The following CHST11 variants were observed in gnomAD, a reference collection of about 807,000 sequenced individuals.
The protein encoded by CHST11 is C4S-1.
CHST11 carries 9 observed loss-of-function variants against 30.4 expected under a neutral mutation model. That is an observed-to-expected ratio of 0.30 (90% CI 0.18 to 0.52). The LOEUF is 0.52. Ranked by LOEUF, CHST11 falls within the 20% of genes least tolerant of loss-of-function variation. CHST11 has a pLI of 0.97. For synonymous variants in CHST11, 152 were observed against 187.8 expected, an observed-to-expected ratio of 0.81 and a Z score of 1.56; for missense variants, 348 against 460.6, an observed-to-expected ratio of 0.76 and a Z score of 2.24.
At chr12:104,638,074 A>G (rs942742124) in intron 2 of CHST11, among the ~76,000 whole-genome samples, 5 of 152,224 alleles carry the variant, frequency 3.3e-5, no homozygotes, top group East Asian at 1.9e-4. Context: ...ATGGTTTACC[A>G]GTGGTATGTT....
intron 1 of CHST11, among the ~76,000 whole-genome samples, chr12:104,587,879 A>G (rs1650132): frequency 0.53 from 75,613 of 143,316 alleles, 20,453 homozygotes; most frequent in African/African-American, 0.62. Flanking sequence ...TCACTCTGTC[A>G]CCCGGGCTGG....
At chr12:104,715,676 T>C (rs1222545417) in intron 2 of CHST11, among the ~76,000 whole-genome samples, 2 of 152,182 alleles carry the variant, frequency 1.3e-5, no homozygotes, top group Non-Finnish European at 2.9e-5. Context: ...AGGATGCTGC[T>C]GCCCTAACTC....
chr12:104,748,172 G>T (rs1197199624), intron 2 of CHST11, among the ~76,000 whole-genome samples: 1 of 152,144 alleles, frequency 6.6e-6, no homozygotes, highest in Admixed American at 6.5e-5. Flanking sequence ...GCTGGGGGTG[G>T]ATCTAGGAGT....
intron 2 of CHST11, among the ~76,000 whole-genome samples, chr12:104,716,113 C>T (rs948496098): frequency 2.6e-5 from 4 of 152,108 alleles, no homozygotes; most frequent in Non-Finnish European, 5.9e-5. Flanking sequence ...TGTCTGCACA[C>T]GGGGTGCCAA....
chr12:104,673,653 C>T (rs764655165), intron 2 of CHST11, among the ~76,000 whole-genome samples: 3 of 152,136 alleles, frequency 2.0e-5, no homozygotes, highest in Non-Finnish European at 4.4e-5. Flanking sequence ...TGGAAGCTAC[C>T]CCAGGCAATG....
In CHST11 at chr12:104,695,467, GTGTGTGTA is replaced by G. The variant is rs1425253692; in HGVS notation, c.205-61476_205-61469del. Reference sequence around the variant, plus strand: ...AATGAGTGTGTGTGTGTGTGTGTGTGTGTGTGTATGTGTCCTTGTGGTTTGCTTATTGA... The same window carrying G: ...AATGAGTGTGTGTGTGTGTGTGTGTGTGTGTCCTTGTGGTTTGCTTATTGA... On this transcript the variant is annotated intron_variant, in intron 2 of 2. Transcript: ENST00000303694. 2.4e-4 allele frequency among the ~76,000 whole-genome samples: 37 copies of G among 151,916 alleles called. 2 individuals carry two copies. Among genetic ancestry groups the G allele is most frequent in the Admixed American group, 8.5e-4 (13 of 15,262 alleles).
chr12:104,752,159 T>C (rs2040436774), intron 2 of CHST11, among the ~76,000 whole-genome samples: 1 of 152,142 alleles, frequency 6.6e-6, no homozygotes, highest in South Asian at 2.1e-4. Flanking sequence ...AATGGATCCT[T>C]CCTTGCCTCT....
intron 2 of CHST11, among the ~76,000 whole-genome samples, chr12:104,707,509 A>G (rs926160974): frequency 1.4e-4 from 21 of 152,368 alleles, no homozygotes; most frequent in African/African-American, 3.8e-4. Context: ...AAAAAATTTG[A>G]AACTCAGCAG....
chr12:104,663,897 A>G (rs1483669794), intron 2 of CHST11, among the ~76,000 whole-genome samples: 2 of 152,100 alleles, frequency 1.3e-5, no homozygotes, highest in East Asian at 3.8e-4. Flanking sequence ...CCATCCATGT[A>G]TGGAGCAATT....
intron 1 of CHST11, among the ~76,000 whole-genome samples, chr12:104,593,688 T>C (rs775433674): frequency 1.8e-4 from 28 of 152,144 alleles, no homozygotes; most frequent in Admixed American, 5.2e-4. Flanking sequence ...ACTCTGACAT[T>C]CACTAGCTAT....
At chr12:104,641,198 T>A (rs2136074755) in intron 2 of CHST11, among the ~76,000 whole-genome samples, 1 of 152,302 alleles carries the variant, frequency 6.6e-6, no homozygotes, top group Non-Finnish European at 1.5e-5. Flanking sequence ...ACATTGGCCA[T>A]CTTCAAGTCA....
intron 2 of CHST11, among the ~76,000 whole-genome samples, chr12:104,705,195 T>C (rs2040021962): frequency 6.6e-6 from 1 of 152,276 alleles, no homozygotes; most frequent in Non-Finnish European, 1.5e-5. Context: ...GTGGGTCACC[T>C]GGTGTATACA....
chr12:104,538,826 T>C (rs1425709206), intron 1 of CHST11, among the ~76,000 whole-genome samples: 4 of 152,180 alleles, frequency 2.6e-5, no homozygotes, highest in Non-Finnish European at 5.9e-5. Flanking sequence ...AAGTGTTGAT[T>C]TTTGAGTAAT....
At chr12:104,637,534 G>T (rs1007172093) in intron 2 of CHST11, among the ~76,000 whole-genome samples, 3 of 152,008 alleles carry the variant, frequency 2.0e-5, no homozygotes, top group African/African-American at 7.2e-5. Context: ...AAAATGCCCA[G>T]CCTGTATCCA....
intron 1 of CHST11, among the ~76,000 whole-genome samples, chr12:104,592,784 G>A (rs2038872721): frequency 6.6e-6 from 1 of 152,118 alleles, no homozygotes; most frequent in Non-Finnish European, 1.5e-5. Context: ...AACCTGTCAG[G>A]TTGACAACTG....
intron 1 of CHST11, among the ~76,000 whole-genome samples, chr12:104,581,976 G>A (rs2038749535): frequency 1.3e-5 from 2 of 152,190 alleles, no homozygotes; most frequent in African/African-American, 4.8e-5. Flanking sequence ...GATGGGGATG[G>A]GACGGAGGGA....
At chr12:104,654,471 T>A (rs1291876797) in intron 2 of CHST11, among the ~76,000 whole-genome samples, 2 of 152,148 alleles carry the variant, frequency 1.3e-5, no homozygotes, top group Non-Finnish European at 1.5e-5. Context: ...GGGGGAGGGC[T>A]GTGCAGTGAG....
intron 2 of CHST11, among the ~76,000 whole-genome samples, chr12:104,710,813 T>A (rs1592852259): frequency 6.6e-6 from 1 of 152,194 alleles, no homozygotes; most frequent in African/African-American, 2.4e-5. Flanking sequence ...TATGGGCAGG[T>A]GTGACTTCCA....
chr12:104,617,018 G>A (rs1332847261), intron 2 of CHST11, among the ~76,000 whole-genome samples: 5 of 152,212 alleles, frequency 3.3e-5, no homozygotes, highest in Non-Finnish European at 7.3e-5. Context: ...TGGAGTACTA[G>A]TCCGTGGCAG....
Sources: gnomAD v4.1 joint callset for allele counts (sites outside exome capture counted in the v4.1 genomes callset) on GRCh38, gnomAD v4.1.1 for gene constraint, MANE v1.5 for transcripts, NCBI Gene and HGNC (gene_info 2026-07-23, HGNC 2026-07-21) for gene names.